Variants in SPAG16 observed in about 807,000 individuals in gnomAD.
SPAG16 encodes the protein sperm-associated antigen 16 protein.
Under a neutral mutation model 80.4 loss-of-function variants are expected in SPAG16, and 86 were observed. The ratio of observed to expected loss-of-function variants is 1.07; its 90% CI spans 0.90 to 1.28. The LOEUF (loss-of-function observed/expected upper bound fraction) is 1.28. Ranked by LOEUF, SPAG16 falls within the 50% of genes most tolerant of loss-of-function variation. SPAG16 has a pLI of 0.00. For missense variants in SPAG16, 870 were observed against 765.3 expected (o/e 1.14, Z -1.61); for synonymous variants, 294 against 265.9 (o/e 1.11, Z -1.03).
chr2:213,898,417 T>A (rs1250231163), intron 11 of SPAG16, among the ~76,000 whole-genome samples: 1 of 152,160 alleles, frequency 6.6e-6, no homozygotes, highest in Non-Finnish European at 1.5e-5. Context: ...ACAGTCCTGG[T>A]GAAGTATATC....
intron 10 of SPAG16, among the ~76,000 whole-genome samples, chr2:213,770,885 C>T (rs1005505899): frequency 3.3e-5 from 5 of 152,054 alleles, no homozygotes; most frequent in Admixed American, 2.6e-4. Context: ...TTGGTTGATT[C>T]CCTGTGTTTG....
chr2:213,346,862 C>G (rs995434130), intron 6 of SPAG16, among the ~76,000 whole-genome samples: 1 of 151,086 alleles, frequency 6.6e-6, no homozygotes, highest in Non-Finnish European at 1.5e-5. Context: ...TGTTGTGTCT[C>G]TGCCAGGCTT....
chr2:213,922,319 G>T (rs1468779778), intron 11 of SPAG16, among the ~76,000 whole-genome samples: 1 of 152,028 alleles, frequency 6.6e-6, no homozygotes, highest in Non-Finnish European at 1.5e-5. Context: ...CTATCCTGCT[G>T]TTTATACTTG....
chr2:214,283,113 A>C (rs1286636366), intron 15 of SPAG16, among the ~76,000 whole-genome samples: 2 of 152,086 alleles, frequency 1.3e-5, no homozygotes, highest in African/African-American at 4.8e-5. Context: ...TAACTGTGAT[A>C]ATTATTAATA....
At chr2:213,607,426 T>C (rs1223017425) in intron 10 of SPAG16, among the ~76,000 whole-genome samples, 1 of 152,210 alleles carries the variant, frequency 6.6e-6, no homozygotes, top group Non-Finnish European at 1.5e-5. Context: ...TGGTAGATGC[T>C]CTGTACCTCC....
intron 15 of SPAG16, among the ~76,000 whole-genome samples, chr2:214,406,598 A>C (rs1487653454): frequency 6.6e-6 from 1 of 152,182 alleles, no homozygotes; most frequent in East Asian, 1.9e-4. Flanking sequence ...TAAATACAGC[A>C]TATAAAGGAA....
chr2:214,059,218 ATG>A (rs1210800057), intron 13 of SPAG16, among the ~76,000 whole-genome samples: 3 of 80,582 alleles, frequency 3.7e-5, no homozygotes, highest in African/African-American at 9.2e-5. Context: ...ATATATATGT[ATG>A]TGTATATATA....
intron 1 of SPAG16, among the ~76,000 whole-genome samples, chr2:213,293,521 A>C (rs1007000027): frequency 1.3e-5 from 2 of 152,230 alleles, no homozygotes; most frequent in South Asian, 4.1e-4. Flanking sequence ...TTAGCCCACC[A>C]TATCTTGAGG....
At chr2:213,756,793 A>G (rs1342238964) in intron 10 of SPAG16, among the ~76,000 whole-genome samples, 3 of 152,178 alleles carry the variant, frequency 2.0e-5, no homozygotes, top group Non-Finnish European at 4.4e-5. Context: ...GAAGAAAGTA[A>G]AGCTTTGACA....
intron 13 of SPAG16, among the ~76,000 whole-genome samples, chr2:214,103,243 A>G (rs368189997): frequency 5.9e-5 from 9 of 152,280 alleles, no homozygotes; most frequent in African/African-American, 2.2e-4. Context: ...CTCTCTGGCT[A>G]ATAGATTAAA....
chr2:214,256,989 A>G (rs1690736751), intron 15 of SPAG16, among the ~76,000 whole-genome samples: 1 of 151,954 alleles, frequency 6.6e-6, no homozygotes, highest in Non-Finnish European at 1.5e-5. Context: ...TGGAATGTAT[A>G]GATTAATTTG....
chr2:214,356,067 A>T (rs1698777701), intron 15 of SPAG16, among the ~76,000 whole-genome samples: 1 of 150,820 alleles, frequency 6.6e-6, no homozygotes, highest in Non-Finnish European at 1.5e-5. Context: ...GATATACCTA[A>T]TGCTAAATGA....
At chr2:213,725,195 G>A (rs147413739) in intron 10 of SPAG16, among the ~76,000 whole-genome samples, 1 of 152,144 alleles carries the variant, frequency 6.6e-6, no homozygotes, top group African/African-American at 2.4e-5. Flanking sequence ...ATCATGCCCA[G>A]CTAATTTTTG....
chr2:213,507,881 G>A (rs552310201), intron 10 of SPAG16, among the ~76,000 whole-genome samples: 1 of 152,178 alleles, frequency 6.6e-6, no homozygotes. Flanking sequence ...TTTCCTCTAA[G>A]TAAACAATCA....
At chr2:213,363,989 C>A (rs563806725) in intron 7 of SPAG16, 87 bp from the exon 8 acceptor site, 5 of 463,966 alleles carry the variant, frequency 1.1e-5, no homozygotes, top group South Asian at 1.2e-4. Context: ...TTATATTTTA[C>A]AATGGATATT....
chr2:213,815,002 T>C (rs2072430247), intron 10 of SPAG16, among the ~76,000 whole-genome samples: 1 of 151,902 alleles, frequency 6.6e-6, no homozygotes, highest in African/African-American at 2.4e-5. Context: ...ATCAGCAGAA[T>C]ATATAAACAG....
intron 15 of SPAG16, among the ~76,000 whole-genome samples, chr2:214,294,991 G>T (rs559150976): frequency 6.6e-6 from 1 of 152,290 alleles, no homozygotes; most frequent in South Asian, 2.1e-4. Flanking sequence ...CTGTATCCCT[G>T]TATGAGCACT....
At chr2:213,798,717 T>C (rs533089691) in intron 10 of SPAG16, among the ~76,000 whole-genome samples, 1 of 152,218 alleles carries the variant, frequency 6.6e-6, no homozygotes, top group Non-Finnish European at 1.5e-5. Flanking sequence ...TTACCTCTTA[T>C]GTTTAGGTCC....
chr2:214,030,883 A>C (rs2048373179), intron 13 of SPAG16, among the ~76,000 whole-genome samples: 1 of 152,236 alleles, frequency 6.6e-6, no homozygotes, highest in Admixed American at 6.5e-5. Flanking sequence ...AGTTTGAGGA[A>C]GTTAATGTCC....
Sources: allele counts gnomAD v4.1 joint callset (sites outside exome capture counted in the v4.1 genomes callset), GRCh38; gene constraint gnomAD v4.1.1; transcripts MANE v1.5; gene names NCBI Gene and HGNC (gene_info 2026-07-23, HGNC 2026-07-21).